The following CLPTM1 variants were observed in gnomAD, a reference collection of about 807,000 sequenced individuals.
The protein encoded by CLPTM1 is putative lipid scramblase CLPTM1.
A neutral mutation model predicts 77.3 loss-of-function variants in CLPTM1; 21 were observed. The observed-to-expected ratio is 0.27, with a 90% confidence interval of 0.19 to 0.39. The LOEUF is 0.39. CLPTM1 is among the 10% of genes least tolerant of loss of function. The pLI is 1.00. For missense variants in CLPTM1, 642 were observed against 921.2 expected (o/e 0.70, Z 3.92); for synonymous variants, 373 against 381.0 (o/e 0.98, Z 0.24).
chr19:44,955,084 A>C, upstream of CLPTM1: 1 of 1,535,736 alleles, frequency 6.5e-7, no homozygotes. Context: ...ATAACCGAAA[A>C]GGCGGGTTAA....
intron 1 of CLPTM1, among the ~76,000 whole-genome samples, chr19:44,957,201 A>G (rs919078920): frequency 2.0e-5 from 3 of 152,176 alleles, no homozygotes; most frequent in African/African-American, 7.2e-5. Context: ...CTCTTTCCTC[A>G]TAGTCTATGC....
chr19:44,985,840 T>C (rs1381946399), intron 6 of CLPTM1, among the ~76,000 whole-genome samples: 1 of 152,180 alleles, frequency 6.6e-6, no homozygotes, highest in Non-Finnish European at 1.5e-5. Flanking sequence ...CTCATGGAGC[T>C]GAGGCCACCG....
At chr19:44,976,229 C>A (rs1391348054) in intron 4 of CLPTM1, among the ~76,000 whole-genome samples, 4 of 152,220 alleles carry the variant, frequency 2.6e-5, no homozygotes, top group Non-Finnish European at 5.9e-5. Flanking sequence ...GCCACGAGAT[C>A]CAAGGAAGGA....
At chr19:44,977,201 T>C in intron 4 of CLPTM1, 142 bp from the exon 5 acceptor site, 1 of 685,276 alleles carries the variant, frequency 1.5e-6, no homozygotes. Flanking sequence ...GCCACCCAGC[T>C]ACATGCCCCA....
At chr19:44,973,447 G>T (rs1970753911) in intron 3 of CLPTM1, among the ~76,000 whole-genome samples, 1 of 152,174 alleles carries the variant, frequency 6.6e-6, no homozygotes, top group South Asian at 2.1e-4. Flanking sequence ...AAATTCATTT[G>T]GTTAAAATAG....
intron 8 of CLPTM1, chr19:44,987,827 G>A (rs1020925141): frequency 3.5e-6 from 2 of 579,458 alleles, no homozygotes; most frequent in Non-Finnish European, 6.2e-6. Flanking sequence ...CTGGCTCCCA[G>A]TGTCCCTTCA....
intron 1 of CLPTM1, among the ~76,000 whole-genome samples, chr19:44,960,128 C>T (rs204910): frequency 0.028 from 4,326 of 152,244 alleles, 114 homozygotes; most frequent in East Asian, 0.073. Flanking sequence ...CTTCCCCAGC[C>T]GACCCCCGCC....
intron 5 of CLPTM1, among the ~76,000 whole-genome samples, chr19:44,978,554 A>G (rs1970842309): frequency 6.6e-6 from 1 of 151,882 alleles, no homozygotes; most frequent in African/African-American, 2.4e-5. Context: ...GATCGCTTGA[A>G]CCTGGGAGGT....
intron 1 of CLPTM1, among the ~76,000 whole-genome samples, chr19:44,957,937 G>A (rs1166479436): frequency 6.6e-6 from 1 of 152,186 alleles, no homozygotes; most frequent in Admixed American, 6.6e-5. Context: ...TTATGTTCTA[G>A]TTGGAGCTGA....
At position 44,955,384 on chromosome 19, in the gene CLPTM1, C is replaced by A; in HGVS notation, c.-12C>A. 2.3e-6 allele frequency: 3 copies of A among 1,308,798 alleles called. No homozygotes were observed. Among genetic ancestry groups the A allele is most frequent in the Non-Finnish European group, 1.9e-6 (2 of 1,027,538 alleles). The allele number at this position is 1,308,798 out of a possible 1,614,324, so 81.1% of individuals were successfully genotyped here. ...GGGGCTGGCGGCGGGGGCGGGGACC[C>A]GGAGCGGGAAGATGGCGGCGGCGCA... On this transcript the variant is annotated 5_prime_UTR_variant, in exon 1 of 14. Transcript: ENST00000337392.
intron 4 of CLPTM1, among the ~76,000 whole-genome samples, chr19:44,976,435 T>C (rs528319277): frequency 3.3e-5 from 5 of 152,324 alleles, no homozygotes; most frequent in African/African-American, 9.6e-5. Context: ...TAGTGTGCCA[T>C]GATCGCAACT....
chr19:44,987,573 GA>G, intron 8 of CLPTM1, 150 bp downstream of exon 8: 1 of 1,090,776 alleles, frequency 9.2e-7, no homozygotes, highest in Non-Finnish European at 1.3e-6. Context: ...TCTCCACAGT[GA>G]AAGGAAGTGG....
At chr19:44,975,918 A>C (rs1465719067) in intron 4 of CLPTM1, among the ~76,000 whole-genome samples, 1 of 152,020 alleles carries the variant, frequency 6.6e-6, no homozygotes. Context: ...GCTGAAGTGC[A>C]GTGGTGCAAT....
At chr19:44,986,727 T>TCCTCTC in intron 7 of CLPTM1, 152 bp downstream of exon 7, 1 of 977,408 alleles carries the variant, frequency 1.0e-6, no homozygotes, top group South Asian at 1.7e-5. Context: ...CCTTCCCATG[T>TCCTCTC]CCTCTCCCTC....
At chr19:44,982,805 G>A (rs1416354019) in intron 5 of CLPTM1, among the ~76,000 whole-genome samples, 1 of 152,234 alleles carries the variant, frequency 6.6e-6, no homozygotes, top group African/African-American at 2.4e-5. Flanking sequence ...GCTCAAGCCT[G>A]TAGTCCCAGC....
At chr19:44,975,264 C>A (rs1430643791) in intron 4 of CLPTM1, among the ~76,000 whole-genome samples, 4 of 152,244 alleles carry the variant, frequency 2.6e-5, no homozygotes, top group Non-Finnish European at 4.4e-5. Context: ...CATTCTGGGG[C>A]CTCATTGGGA....
chr19:44,991,247 C>T lies in CLPTM1; in HGVS notation c.1429C>T (p.Arg477Trp), dbSNP rs200860488. The T allele has an allele frequency of 1.2e-4, 192 of 1,613,980 alleles. No homozygotes were observed. Among genetic ancestry groups the T allele is most frequent in the Admixed American group, 8.5e-4 (51 of 60,010 alleles). Residue 477 changes from arginine to tryptophan, a missense_variant, in exon 12 of 14, where the codon CGG (arginine) becomes TGG (tryptophan). By Grantham distance (101) the Arg-to-Trp change is moderately radical (BLOSUM62 -3). This residue lies in a region of CLPTM1 where 521 missense variants were observed against 800.4 expected (regional missense o/e 0.65). Coordinates refer to ENST00000337392, the MANE Select transcript of CLPTM1 (RefSeq NM_001294.4). The surrounding 1 kb of genome is among the most constrained non-coding windows in gnomAD (Gnocchi z 5.4). ...CCCTGTGGCCCCACAGATGGCATTC[C>T]GGTACCTGTCCTGGATCCTCTTCCC... ...STKVYDDMAF[R>W]YLSWILFPLL...
At position 44,986,532 on chromosome 19, in the gene CLPTM1, C is replaced by T; in HGVS notation, c.750C>T (p.His250=). 2 of 1,614,098 alleles carry T rather than the reference C, an allele frequency of 1.2e-6. No individual in the cohort carries two copies. The highest frequency in any genetic ancestry group is 8.5e-7 in the Non-Finnish European group (1 of 1,180,006). Reference sequence around the variant, plus strand: ...TCACCATCAACATCGTGGACGACCACACGCCGTGGGTGAAGGGCAGTGTGC... The same window carrying T: ...TCACCATCAACATCGTGGACGACCATACGCCGTGGGTGAAGGGCAGTGTGC... ...PNITINIVDD[H]TPWVKGSVPP... Residue 250 remains histidine, a synonymous_variant, in exon 7 of 14, where the codon CAC becomes CAT. Coordinates refer to ENST00000337392, the MANE Select transcript of CLPTM1 (RefSeq NM_001294.4).
chr19:44,992,127 G>A lies in CLPTM1; in HGVS notation c.1556-106G>A. 1.7e-6 allele frequency: 2 copies of A among 1,184,354 alleles called. No individual in the cohort carries two copies. Among genetic ancestry groups the A allele is most frequent in the Non-Finnish European group, 2.4e-6 (2 of 823,392 alleles). 73.4% of individuals were successfully genotyped at this position (1,184,354 alleles called of 1,614,324 possible). On this transcript the variant is annotated intron_variant, in intron 12 of 13. Coordinates refer to ENST00000337392, the MANE Select transcript of CLPTM1 (RefSeq NM_001294.4). This position sits in a 1 kb window ranked among gnomAD's most constrained non-coding sequence, Gnocchi z 7.7. ...GCCCAGGTATAGGAAGTGGTAGAGT[G>A]TGCCCAGGTGTAGGAAGTGGTGAGG...
Sources: gnomAD v4.1 joint callset for allele counts (sites outside exome capture counted in the v4.1 genomes callset) on GRCh38, gnomAD v4.1.1 for gene constraint, gnomAD v4.1.1 regional missense constraint, Gnocchi (gnomAD v3.1) non-coding constraint, MANE v1.5 for transcripts, NCBI Gene and HGNC (gene_info 2026-07-23, HGNC 2026-07-21) for gene names.